INTS12: variants seen among roughly 807,000 people sequenced by gnomAD.
The protein encoded by INTS12 is integrator complex subunit 12.
In INTS12, 13 loss-of-function variants were observed where a neutral mutation model predicts 41.6. The observed-to-expected ratio is 0.31, with a 90% CI of 0.20 to 0.50. The LOEUF (loss-of-function observed/expected upper bound fraction) is 0.50, where lower values mean the gene tolerates loss of function less well. Ranked by LOEUF, INTS12 falls within the 20% of genes least tolerant of loss-of-function variation. INTS12 has a pLI of 0.98. For missense variants in INTS12, 432 were observed against 541.6 expected, an observed-to-expected ratio of 0.80 and a Z score of 2.01; for synonymous variants, 199 against 191.4, an observed-to-expected ratio of 1.04 and a Z score of -0.33.
chr4:105,694,315 TATG>T (rs1560777483), intron 4 of INTS12, among the ~76,000 whole-genome samples: 2 of 152,156 alleles, frequency 1.3e-5, no homozygotes, highest in Non-Finnish European at 2.9e-5. Context: ...ACACACACAG[TATG>T]ATAACATTTA....
At chr4:105,685,032 T>C (rs928277232) in intron 7 of INTS12, among the ~76,000 whole-genome samples, 2 of 152,078 alleles carry the variant, frequency 1.3e-5, no homozygotes, top group African/African-American at 2.4e-5. Flanking sequence ...ACACAAACAA[T>C]GGAGACCAAG....
intron 1 of INTS12, among the ~76,000 whole-genome samples, chr4:105,707,198 T>C (rs1732308070): frequency 6.6e-6 from 1 of 152,172 alleles, no homozygotes; most frequent in Non-Finnish European, 1.5e-5. Context: ...ATACTTCTCA[T>C]GAAGATTTGA....
chr4:105,682,993 C>G lies in INTS12; in HGVS notation c.1129G>C (p.Val377Leu). The G allele has an allele frequency of 3.1e-6, 5 of 1,614,130 alleles. No homozygotes were observed. The highest frequency in any genetic ancestry group is 4.2e-6 in the Non-Finnish European group (5 of 1,179,980). The change falls in exon 8 of 8, where the codon GTT becomes CTT. Residue 377 changes from valine (V) to leucine (L), a missense_variant. Physicochemically the swap from Val to Leu is conservative, Grantham distance 32. Coordinates refer to ENST00000340139, the MANE Select transcript of INTS12 (RefSeq NM_020395.4). Reference sequence around the variant, plus strand: ...ACTTTGCTGACATTGTCACAACTAACTGAGCGACTAAGGCCAGTTTTACCC... The same window carrying G: ...ACTTTGCTGACATTGTCACAACTAAGTGAGCGACTAAGGCCAGTTTTACCC... Reference protein sequence around the residue: ...TLGKTGLSRSVSCDNVSKVGL... With the variant: ...TLGKTGLSRSLSCDNVSKVGL...
chr4:105,683,227 T>C lies in INTS12; in HGVS notation c.895A>G (p.Lys299Glu). The C allele has an allele frequency of 6.2e-7, 1 of 1,614,110 alleles. No individual in the cohort carries two copies. The highest frequency in any genetic ancestry group is 8.5e-7 in the Non-Finnish European group (1 of 1,179,968). ...GLTGWAAFAAKTSSAGPSTAK... is the reference protein window; with the variant it reads ...GLTGWAAFAAETSSAGPSTAK... ...GTTGAAGGACCAGCAGAGGAAGTTT[T>C]GGCTGCAAAAGCTGCCCATCCAGTT... The change falls in exon 8 of 8, where the codon AAA becomes GAA. Residue 299 changes from lysine (K) to glutamate (E), a missense_variant. Around this residue, in one of 3 missense-constraint regions of INTS12, gnomAD observed 258 missense variants for 309.9 expected, o/e 0.83. Transcript: ENST00000340139.
At chr4:105,692,207 G>T in intron 5 of INTS12, 72 bp from the exon 6 acceptor site, 7 of 1,434,192 alleles carry the variant, frequency 4.9e-6, no homozygotes, top group Non-Finnish European at 6.7e-6. Context: ...TCAGGGGCCA[G>T]GTGTGCTGGC....
intron 1 of INTS12, 42 bp downstream of exon 1, chr4:105,708,596 G>A: frequency 1.0e-6 from 1 of 985,100 alleles, no homozygotes; most frequent in Non-Finnish European, 1.2e-6. Context: ...GGGGTCTCGA[G>A]CCTCCAGGAG....
intron 3 of INTS12, among the ~76,000 whole-genome samples, chr4:105,696,731 G>A (rs1731882420): frequency 6.6e-6 from 1 of 152,064 alleles, no homozygotes; most frequent in African/African-American, 2.4e-5. Flanking sequence ...ATAGGAGTGG[G>A]TTATATGGTA....
intron 1 of INTS12, among the ~76,000 whole-genome samples, chr4:105,706,873 T>C (rs555679386): frequency 3.3e-5 from 5 of 152,336 alleles, no homozygotes; most frequent in Admixed American, 1.3e-4. Flanking sequence ...ACTTGAACTA[T>C]GGCAATAACC....
At chr4:105,701,407 C>T (rs992478475) in intron 2 of INTS12, among the ~76,000 whole-genome samples, 1 of 152,032 alleles carries the variant, frequency 6.6e-6, no homozygotes, top group South Asian at 2.1e-4. Context: ...TGTTGTATTT[C>T]TAAGAATTTA....
chr4:105,694,141 A>G lies in INTS12; in HGVS notation c.310-655T>C, dbSNP rs1394414844. ...GAGAAATATCTAATTGTGCATCAGTAGGGGAATGATAAACTGGTTAATCAT... is the reference window on the plus strand; with the variant it reads ...GAGAAATATCTAATTGTGCATCAGTGGGGGAATGATAAACTGGTTAATCAT... On this transcript the variant is annotated intron_variant, in intron 4 of 7. Transcript: ENST00000340139. Among the ~76,000 whole-genome samples the G allele has an allele frequency of 2.6e-5, 4 of 152,200 alleles. No individual in the cohort carries two copies. In the East Asian group the frequency reaches 7.7e-4, roughly 29 times the overall value.
At chr4:105,696,608 A>G (rs72671813) in intron 3 of INTS12, among the ~76,000 whole-genome samples, 1 of 152,270 alleles carries the variant, frequency 6.6e-6, no homozygotes, top group Non-Finnish European at 1.5e-5. Context: ...CAATTTACCT[A>G]TTGATGGATA....
chr4:105,683,279 G>A lies in INTS12; in HGVS notation c.843C>T (p.Ser281=), dbSNP rs62320295. ...TVISGNSSSA[S]VSSSVTSGLT... ...AGCCACTAGTTACTGACGAGGAAAC[G>A]CTGGCACTAGAAGAATTTCCTGAAA... The change falls in exon 8 of 8, where the codon AGC becomes AGT. Residue 281 remains serine (S), a synonymous_variant. Transcript: ENST00000340139. 1.5e-5 allele frequency: 24 copies of A among 1,613,194 alleles called. No homozygotes were observed. Among genetic ancestry groups the A allele is most frequent in the Admixed American group, 1.0e-4 (6 of 59,812 alleles).
At chr4:105,704,072 A>G (rs1056420512) in intron 1 of INTS12, among the ~76,000 whole-genome samples, 1 of 151,862 alleles carries the variant, frequency 6.6e-6, no homozygotes, top group African/African-American at 2.4e-5. Context: ...AATATATTCA[A>G]ACATCTTCTA....
chr4:105,700,204 T>C (rs546387998), intron 2 of INTS12, 190 bp from the exon 3 acceptor site: 22 of 340,126 alleles, frequency 6.5e-5, no homozygotes, highest in Non-Finnish European at 1.2e-4. Flanking sequence ...TCTAGTTCCT[T>C]CCCCCTGAAA....
At chr4:105,704,967 T>C (rs1197460241) in intron 1 of INTS12, among the ~76,000 whole-genome samples, 1 of 152,230 alleles carries the variant, frequency 6.6e-6, no homozygotes, top group Non-Finnish European at 1.5e-5. Flanking sequence ...ACTCTTGTCA[T>C]CCCTTTAAAC....
At chr4:105,702,937 C>T in intron 2 of INTS12, 1 of 985,184 alleles carries the variant, frequency 1.0e-6, no homozygotes, top group Non-Finnish European at 1.2e-6. Flanking sequence ...CTTTTCCTTC[C>T]TTACCGGCAA....
intron 2 of INTS12, among the ~76,000 whole-genome samples, chr4:105,701,676 A>T (rs1177112957): frequency 1.3e-5 from 2 of 152,070 alleles, no homozygotes; most frequent in East Asian, 3.9e-4. Flanking sequence ...CAGTTTACTA[A>T]TCTTTCTACT....
chr4:105,683,300 T>C lies in INTS12; in HGVS notation c.822A>G (p.Ser274=), dbSNP rs763074455. The change falls in exon 8 of 8, where the codon TCA becomes TCG. Residue 274 remains serine (S), a synonymous_variant. Coordinates refer to ENST00000340139, the MANE Select transcript of INTS12 (RefSeq NM_020395.4). The part of the protein sequence containing the change: ...RTEVKTSTVI[S]GNSSSASVSS... ...AAACGCTGGCACTAGAAGAATTTCC[T>C]GAAATAACTGTGGATGTCTAAAAAA... 3.1e-6 allele frequency: 5 copies of C among 1,611,196 alleles called. No homozygotes were observed. In the Admixed American group the frequency reaches 8.4e-5, roughly 27 times the overall value.
rs898621214 is a variant in INTS12 at position 105,703,818 on chromosome 4, C to T, written c.-171-9G>A. The T allele has an allele frequency of 6.6e-6, 1 of 152,196 alleles. No homozygotes were observed. Among genetic ancestry groups the T allele is most frequent in the African/African-American group, 2.4e-5 (1 of 41,430 alleles). The allele number at this position is 152,196 out of a possible 1,614,324, so 9.4% of individuals were successfully genotyped here. ...TCAGTAGATGGCCTCACCTACTTCACAAAGAGAGGCTGTCAGAGAGGAATT... is the reference window on the plus strand; with the variant it reads ...TCAGTAGATGGCCTCACCTACTTCATAAAGAGAGGCTGTCAGAGAGGAATT... On this transcript the variant is annotated splice_polypyrimidine_tract_variant and intron_variant, in intron 1 of 7. Coordinates refer to ENST00000340139, the MANE Select transcript of INTS12 (RefSeq NM_020395.4).
Sources: gnomAD v4.1 joint callset for allele counts (sites outside exome capture counted in the v4.1 genomes callset) on GRCh38, gnomAD v4.1.1 for gene constraint, gnomAD v4.1.1 regional missense constraint, MANE v1.5 for transcripts, NCBI Gene and HGNC (gene_info 2026-07-23, HGNC 2026-07-21) for gene names.